Variants in ARL15 observed in about 807,000 individuals in gnomAD.
ARL15 encodes the protein ARF like GTPase 15, also known as ADP-ribosylation factor-like protein 15.
Under a neutral mutation model 25.2 loss-of-function variants are expected in ARL15, and 19 were observed. The ratio of observed to expected loss-of-function variants is 0.75; its 90% confidence interval spans 0.53 to 1.10. ARL15 has a LOEUF of 1.10. Among genes scored for constraint, ARL15 ranks in the 50% least tolerant of loss-of-function variants. ARL15 has a pLI of 0.00. For missense variants in ARL15, 220 were observed against 246.0 expected, an observed-to-expected ratio of 0.89 and a Z score of 0.71; for synonymous variants, 94 against 86.8, an observed-to-expected ratio of 1.08 and a Z score of -0.46.
intron 1 of ARL15, among the ~76,000 whole-genome samples, chr5:54,230,091 C>T (rs1397416968): frequency 6.6e-6 from 1 of 152,096 alleles, no homozygotes; most frequent in South Asian, 2.1e-4. Flanking sequence ...TCTGCTCACC[C>T]CTGTAATCCC....
chr5:54,157,214 G>A (rs976942402), intron 2 of ARL15, among the ~76,000 whole-genome samples: 33 of 152,294 alleles, frequency 2.2e-4, no homozygotes, highest in African/African-American at 7.2e-4. Flanking sequence ...CTGACAATAC[G>A]CAGGCTCTCA....
intron 1 of ARL15, among the ~76,000 whole-genome samples, chr5:54,200,285 A>G (rs1418096321): frequency 2.6e-5 from 4 of 151,928 alleles, no homozygotes; most frequent in African/African-American, 9.7e-5. Context: ...CCTAAAACTT[A>G]AAGTATAATA....
intron 4 of ARL15, among the ~76,000 whole-genome samples, chr5:54,058,783 G>A (rs1481415895): frequency 6.6e-6 from 1 of 152,126 alleles, no homozygotes; most frequent in Non-Finnish European, 1.5e-5. Flanking sequence ...GGAGCCACAG[G>A]AGAGTCTTGA....
At chr5:53,896,459 A>C (rs927679837) in intron 4 of ARL15, among the ~76,000 whole-genome samples, 6 of 151,876 alleles carry the variant, frequency 4.0e-5, no homozygotes, top group Non-Finnish European at 8.8e-5. Context: ...TTCCCATCTA[A>C]TTGAACTTGT....
intron 4 of ARL15, among the ~76,000 whole-genome samples, chr5:54,057,145 C>G (rs895306378): frequency 2.0e-4 from 30 of 151,884 alleles, no homozygotes; most frequent in Non-Finnish European, 3.1e-4. Context: ...GCAATAGGAA[C>G]AGCATCTTAT....
At chr5:54,128,832 A>G (rs973328787) in intron 3 of ARL15, among the ~76,000 whole-genome samples, 29 of 151,310 alleles carry the variant, frequency 1.9e-4, no homozygotes, top group African/African-American at 7.0e-4. Flanking sequence ...CAGCCTCCCG[A>G]GTAGCTGGGA....
At chr5:54,070,737 T>C (rs1444496683) in intron 4 of ARL15, among the ~76,000 whole-genome samples, 1 of 151,864 alleles carries the variant, frequency 6.6e-6, no homozygotes, top group Non-Finnish European at 1.5e-5. Context: ...CCCAGCTACT[T>C]GGGAGGCTGA....
chr5:54,152,077 A>ATT (rs1754084825), intron 3 of ARL15, among the ~76,000 whole-genome samples: 1 of 151,968 alleles, frequency 6.6e-6, no homozygotes, highest in African/African-American at 2.4e-5. Context: ...TGAATTCAGA[A>ATT]TTTTTCTCTG....
chr5:54,076,213 G>C (rs969701619), intron 4 of ARL15, among the ~76,000 whole-genome samples: 1 of 151,790 alleles, frequency 6.6e-6, no homozygotes, highest in African/African-American at 2.4e-5. Context: ...TCAGGAGATC[G>C]AGACCATCCT....
chr5:54,159,682 T>C (rs930437173), intron 2 of ARL15, among the ~76,000 whole-genome samples: 3 of 152,218 alleles, frequency 2.0e-5, no homozygotes. Context: ...CATTTTTTCC[T>C]GGCCTATCTA....
At chr5:54,298,210 A>G (rs1365715161) in intron 1 of ARL15, among the ~76,000 whole-genome samples, 1 of 152,142 alleles carries the variant, frequency 6.6e-6, no homozygotes, top group Admixed American at 6.5e-5. Flanking sequence ...GATTCACCTT[A>G]GATTAGGAAA....
intron 3 of ARL15, among the ~76,000 whole-genome samples, chr5:54,143,121 ATCAAG>A (rs1753816223): frequency 6.6e-6 from 1 of 152,178 alleles, no homozygotes; most frequent in Non-Finnish European, 1.5e-5. Context: ...TATCAATTAG[ATCAAG>A]TCTGTTAATT....
At chr5:53,952,102 A>T (rs55847455) in intron 4 of ARL15, among the ~76,000 whole-genome samples, 4,716 of 151,928 alleles carry the variant, frequency 0.031, 272 homozygotes, top group African/African-American at 0.11. Flanking sequence ...GTCTCTACTA[A>T]AAATAAAAAA....
At chr5:54,147,201 G>A (rs1240042921) in intron 3 of ARL15, among the ~76,000 whole-genome samples, 1 of 152,032 alleles carries the variant, frequency 6.6e-6, no homozygotes, top group African/African-American at 2.4e-5. Context: ...TTCCAAAAAG[G>A]CCTGGTTCTT....
intron 1 of ARL15, among the ~76,000 whole-genome samples, chr5:54,290,177 C>T (rs2112687723): frequency 6.6e-6 from 1 of 152,244 alleles, no homozygotes; most frequent in Non-Finnish European, 1.5e-5. Flanking sequence ...GCAACTGATG[C>T]AAAACAATAA....
At chr5:54,161,371 A>G (rs1382856059) in intron 2 of ARL15, among the ~76,000 whole-genome samples, 2 of 152,190 alleles carry the variant, frequency 1.3e-5, no homozygotes, top group Non-Finnish European at 2.9e-5. Context: ...ATGCTTTCCA[A>G]AAAAAAGGGA....
chr5:54,165,347 A>G (rs745485922), intron 2 of ARL15, among the ~76,000 whole-genome samples: 10 of 151,998 alleles, frequency 6.6e-5, no homozygotes, highest in Non-Finnish European at 1.5e-4. Context: ...TCCATCTGGT[A>G]TCATTTTTTT....
At chr5:54,187,063 C>T (rs1045861599) in intron 1 of ARL15, among the ~76,000 whole-genome samples, 2 of 152,118 alleles carry the variant, frequency 1.3e-5, no homozygotes, top group Non-Finnish European at 2.9e-5. Flanking sequence ...TGATAATTCA[C>T]AGAATTGATG....
intron 4 of ARL15, among the ~76,000 whole-genome samples, chr5:54,084,848 G>A (rs1477080148): frequency 6.6e-6 from 1 of 152,196 alleles, no homozygotes; most frequent in Non-Finnish European, 1.5e-5. Flanking sequence ...GGTGTAATGG[G>A]AGTTGAAAAA....
Sources: gnomAD v4.1 joint callset for allele counts (sites outside exome capture counted in the v4.1 genomes callset) on GRCh38, gnomAD v4.1.1 for gene constraint, MANE v1.5 for transcripts, NCBI Gene and HGNC (gene_info 2026-07-23, HGNC 2026-07-21) for gene names.